Variants in WWOX observed in about 807,000 individuals in gnomAD.
WWOX encodes the protein WW domain-containing oxidoreductase.
Under a neutral mutation model 46.2 loss-of-function variants are expected in WWOX, and 69 were observed. That is an observed-to-expected ratio of 1.49 (90% CI 1.23 to 1.82). The LOEUF is 1.82. Ranked by LOEUF, WWOX falls within the 40% of genes most tolerant of loss-of-function variation. WWOX has a pLI of 0.00. For missense variants in WWOX, 919 were observed against 542.6 expected, an observed-to-expected ratio of 1.69 and a Z score of -6.89; for synonymous variants, 359 against 202.6, an observed-to-expected ratio of 1.77 and a Z score of -6.56.
chr16:79,168,676 C>G (rs1435900965), intron 8 of WWOX, among the ~76,000 whole-genome samples: 1 of 152,118 alleles, frequency 6.6e-6, no homozygotes, highest in Non-Finnish European at 1.5e-5. Context: ...CCTCTAGGCT[C>G]TTACCTGGCT....
intron 8 of WWOX, among the ~76,000 whole-genome samples, chr16:78,870,851 C>T (rs1597086863): frequency 1.3e-5 from 2 of 152,328 alleles, no homozygotes; most frequent in South Asian, 4.1e-4. Context: ...GTCTGCCCAC[C>T]TCAGCTTCCC....
At chr16:78,868,682 G>A (rs2044060229) in intron 8 of WWOX, among the ~76,000 whole-genome samples, 1 of 152,154 alleles carries the variant, frequency 6.6e-6, no homozygotes. Context: ...GAGTCACTCT[G>A]AGATTGAAGA....
chr16:78,223,125 G>A (rs375402346), intron 5 of WWOX, among the ~76,000 whole-genome samples: 14 of 152,322 alleles, frequency 9.2e-5, no homozygotes, highest in African/African-American at 2.9e-4. Flanking sequence ...GGCTGTGACT[G>A]TCAGTAGCAG....
intron 8 of WWOX, among the ~76,000 whole-genome samples, chr16:79,134,110 C>T (rs768345400): frequency 2.0e-5 from 3 of 151,554 alleles, no homozygotes; most frequent in East Asian, 1.9e-4. Context: ...TAAAAATATG[C>T]TGATCTGGGT....
intron 8 of WWOX, among the ~76,000 whole-genome samples, chr16:79,202,473 C>A (rs911781866): frequency 2.0e-5 from 3 of 151,944 alleles, no homozygotes; most frequent in Non-Finnish European, 4.4e-5. Flanking sequence ...TTTAGGAAAC[C>A]CAAAGAAAGT....
rs527237574 is a variant in WWOX at position 78,995,372 on chromosome 16, G to A, written c.1057-216236G>A. On this transcript the variant is annotated intron_variant, in intron 8 of 8. Transcript: ENST00000566780. ...CCTGAGAAGTGTGCCTGTGGACTGCGTTCTTTGGGGTAGGACATGGAATGG... is the reference window on the plus strand; with the variant it reads ...CCTGAGAAGTGTGCCTGTGGACTGCATTCTTTGGGGTAGGACATGGAATGG... Among the ~76,000 whole-genome samples the A allele has an allele frequency of 5.3e-5, 8 of 152,140 alleles. No homozygotes were observed. In the South Asian group the frequency reaches 8.3e-4, roughly 16 times the overall value.
intron 8 of WWOX, among the ~76,000 whole-genome samples, chr16:78,911,026 A>G (rs185242830): frequency 6.6e-6 from 1 of 152,084 alleles, no homozygotes; most frequent in Non-Finnish European, 1.5e-5. Context: ...TAAAAAAATT[A>G]AAAAATGGCT....
chr16:78,825,856 C>A (rs551666247), intron 8 of WWOX: 3 of 639,748 alleles, frequency 4.7e-6, no homozygotes, highest in African/African-American at 3.6e-5. Flanking sequence ...CCTGGGACCC[C>A]GCTGGTAAGA....
intron 8 of WWOX, among the ~76,000 whole-genome samples, chr16:78,867,287 C>G (rs917920355): frequency 6.6e-6 from 1 of 152,054 alleles, no homozygotes; most frequent in African/African-American, 2.4e-5. Context: ...GAAAAGAATA[C>G]CAACGCCGTC....
chr16:79,141,575 G>T (rs1481348873), intron 8 of WWOX, among the ~76,000 whole-genome samples: 4 of 152,212 alleles, frequency 2.6e-5, no homozygotes, highest in African/African-American at 9.6e-5. Flanking sequence ...CTTTGTAGAA[G>T]GTCGAGTTCT....
intron 8 of WWOX, among the ~76,000 whole-genome samples, chr16:78,544,206 A>G (rs912195045): frequency 5.3e-5 from 8 of 152,350 alleles, no homozygotes; most frequent in Middle Eastern, 6.8e-3. Flanking sequence ...TTGGTAGGAA[A>G]TAGAGAACTG....
At chr16:78,870,174 C>A (rs1047319285) in intron 8 of WWOX, among the ~76,000 whole-genome samples, 1 of 152,178 alleles carries the variant, frequency 6.6e-6, no homozygotes, top group Non-Finnish European at 1.5e-5. Flanking sequence ...GTCTCCTAAC[C>A]CTAAGATCCT....
chr16:78,145,455 A>G (rs2034165029), intron 4 of WWOX, among the ~76,000 whole-genome samples: 1 of 152,146 alleles, frequency 6.6e-6, no homozygotes. Flanking sequence ...CAGGGCAGGA[A>G]GGATCCAGCA....
At chr16:78,760,134 C>T (rs1275559303) in intron 8 of WWOX, among the ~76,000 whole-genome samples, 1 of 152,098 alleles carries the variant, frequency 6.6e-6, no homozygotes, top group Non-Finnish European at 1.5e-5. Flanking sequence ...GGTGGGTGCA[C>T]AGTCATGGCG....
chr16:78,157,544 C>T (rs940562446), intron 4 of WWOX, among the ~76,000 whole-genome samples: 2 of 152,206 alleles, frequency 1.3e-5, no homozygotes, highest in Admixed American at 6.5e-5. Context: ...GTGTTAAATA[C>T]TTCAGGTTTG....
intron 8 of WWOX, among the ~76,000 whole-genome samples, chr16:78,842,060 A>T (rs1289595292): frequency 6.6e-6 from 1 of 152,144 alleles, no homozygotes; most frequent in African/African-American, 2.4e-5. Flanking sequence ...GACCAGGAGG[A>T]TCTGAGCTGA....
At chr16:78,898,735 C>A (rs916777052) in intron 8 of WWOX, 5 of 152,064 alleles carry the variant, frequency 3.3e-5, no homozygotes, top group African/African-American at 1.2e-4. Flanking sequence ...TTAAGCGTTA[C>A]CATCCATGAG....
At chr16:78,469,431 G>A (rs1049661024) in intron 8 of WWOX, among the ~76,000 whole-genome samples, 4 of 152,162 alleles carry the variant, frequency 2.6e-5, no homozygotes, top group African/African-American at 4.8e-5. Flanking sequence ...AACCAAAAGT[G>A]AGCAACAAGG....
At chr16:78,510,431 C>G (rs2085334524) in intron 8 of WWOX, among the ~76,000 whole-genome samples, 1 of 152,130 alleles carries the variant, frequency 6.6e-6, no homozygotes, top group South Asian at 2.1e-4. Flanking sequence ...CCAGTATGGT[C>G]TCAAACTCCT....
Sources: gnomAD v4.1 joint callset for allele counts (sites outside exome capture counted in the v4.1 genomes callset) on GRCh38, gnomAD v4.1.1 for gene constraint, MANE v1.5 for transcripts, NCBI Gene and HGNC (gene_info 2026-07-23, HGNC 2026-07-21) for gene names.